Variants in PANK3 observed in about 807,000 individuals in gnomAD.
The protein encoded by PANK3 is hPanK3.
A neutral mutation model predicts 39.4 loss-of-function variants in PANK3; 20 were observed. The ratio of observed to expected loss-of-function variants is 0.51; its 90% CI spans 0.36 to 0.74. PANK3 has a LOEUF of 0.74. PANK3 is among the 30% of genes least tolerant of loss of function. The pLI, the probability that PANK3 is intolerant of heterozygous loss-of-function variation, is 0.00. For missense variants in PANK3, 265 were observed against 437.0 expected (o/e 0.61, Z 3.51); for synonymous variants, 140 against 157.3 (o/e 0.89, Z 0.82).
chr5:168,568,577 C>G, intron 2 of PANK3, 69 bp downstream of exon 2: 2 of 1,168,840 alleles, frequency 1.7e-6, no homozygotes, highest in East Asian at 2.4e-5. Flanking sequence ...AAGGAACATG[C>G]TAGATGGAAA....
intron 1 of PANK3, 121 bp downstream of exon 1, chr5:168,579,135 C>A: frequency 2.3e-6 from 2 of 860,086 alleles, no homozygotes; most frequent in Non-Finnish European, 3.3e-6. Context: ...CCTCCGCCCC[C>A]ATACCGGACG....
Position 168,549,721 on chromosome 5 carries a change from A to G in PANK3, c.*7850T>C, listed in dbSNP as rs1187295795. The G allele has an allele frequency of 2.6e-5, 4 of 152,182 alleles. No homozygotes were observed. Among genetic ancestry groups the G allele is most frequent in the Non-Finnish European group, 5.9e-5 (4 of 68,026 alleles). 9.4% of individuals were successfully genotyped at this position (152,182 alleles called of 1,614,324 possible). ...CATTCAGCACAAACTGCGGTACCTG[A>G]AATCCCAGTATCAGCTCATAGTACA... is the stretch of plus-strand genomic sequence containing the variant. On this transcript the variant is annotated 3_prime_UTR_variant, in exon 7 of 7. Transcript: ENST00000239231.
At chr5:168,576,646 C>T (rs755538037) in intron 1 of PANK3, among the ~76,000 whole-genome samples, 3 of 152,002 alleles carry the variant, frequency 2.0e-5, no homozygotes, top group Non-Finnish European at 2.9e-5. Context: ...TATTTTCTAA[C>T]ACTTAGGTAA....
rs1037313232 is a variant in PANK3 at position 168,553,532 on chromosome 5, G to T, written c.*4039C>A. ...GATGGCCACAGACAAGGGCCAGGGG[G>T]ACATGAGCAAAACCTCAGAGGGAGA... is the stretch of plus-strand genomic sequence containing the variant. On this transcript the variant is annotated 3_prime_UTR_variant, in exon 7 of 7. Coordinates refer to ENST00000239231, the MANE Select transcript of PANK3 (RefSeq NM_024594.4). 1 of 331,648 alleles carries T rather than the reference G, an allele frequency of 3.0e-6. No individual in the cohort carries two copies. Among genetic ancestry groups the T allele is most frequent in the Non-Finnish European group, 5.9e-6 (1 of 169,096 alleles). The allele number at this position is 331,648 out of a possible 1,614,324, so 20.5% of individuals were successfully genotyped here.
chr5:168,557,736 C>T, intron 6 of PANK3, 115 bp from the exon 7 acceptor site: 1 of 832,686 alleles, frequency 1.2e-6, no homozygotes, highest in Non-Finnish European at 1.8e-6. Context: ...TATTTGGAAA[C>T]CTACCAATTT....
chr5:168,558,064 T>C (rs1759379330), intron 6 of PANK3, among the ~76,000 whole-genome samples: 1 of 151,922 alleles, frequency 6.6e-6, no homozygotes, highest in African/African-American at 2.4e-5. Flanking sequence ...TGGCTGTGCC[T>C]GACACTCTCA....
At chr5:168,570,943 A>G (rs2113126269) in intron 1 of PANK3, among the ~76,000 whole-genome samples, 1 of 152,364 alleles carries the variant, frequency 6.6e-6, no homozygotes, top group South Asian at 2.1e-4. Flanking sequence ...AAAATGGTAT[A>G]GACCATTTAC....
rs1759230146 is a variant in PANK3, at chr5:168,548,699, G to A, written c.*8872C>T. On this transcript the variant is annotated 3_prime_UTR_variant, in exon 7 of 7. Coordinates refer to ENST00000239231, the MANE Select transcript of PANK3 (RefSeq NM_024594.4). ...AATAAGCATTAAGGAAAAGAATACG[G>A]GAATGTTTACAGAATGCGCCATGGC... 6.6e-6 allele frequency: 1 copy of A among 152,046 alleles called. No individual in the cohort carries two copies. The allele number at this position is 152,046 out of a possible 1,614,324, so 9.4% of individuals were successfully genotyped here. A position where few individuals can be genotyped will look rare whatever the true frequency, so the allele number is the denominator to read the frequency against.
chr5:168,558,253 G>A (rs1437806231), intron 6 of PANK3, among the ~76,000 whole-genome samples: 1 of 151,100 alleles, frequency 6.6e-6, no homozygotes. Context: ...TCCGCCCCCT[G>A]GGGTTCACAC....
intron 6 of PANK3, among the ~76,000 whole-genome samples, chr5:168,558,123 TG>T (rs1298843601): frequency 6.6e-6 from 1 of 151,872 alleles, no homozygotes; most frequent in Non-Finnish European, 1.5e-5. Flanking sequence ...TGATTTGTAT[TG>T]TGTGAGCAGT....
At chr5:168,560,918 A>G (rs748411363) in intron 5 of PANK3, 7 of 518,642 alleles carry the variant, frequency 1.3e-5, no homozygotes. Context: ...AGCCCTGTAC[A>G]ATGCTGCTTG....
chr5:168,579,139 C>A, intron 1 of PANK3, 117 bp downstream of exon 1: 1 of 946,884 alleles, frequency 1.1e-6, no homozygotes, highest in Non-Finnish European at 1.5e-6. Context: ...CGCCCCCATA[C>A]CGGACGAAGC....
chr5:168,560,683 G>A (rs990143634), intron 5 of PANK3, among the ~76,000 whole-genome samples: 2 of 152,124 alleles, frequency 1.3e-5, no homozygotes, highest in East Asian at 1.9e-4. Context: ...GGGTTCCTTC[G>A]AAAAGCGTAC....
intron 3 of PANK3, among the ~76,000 whole-genome samples, chr5:168,565,623 A>AT (rs1759511607): frequency 1.3e-5 from 2 of 152,072 alleles, no homozygotes; most frequent in African/African-American, 2.4e-5. Context: ...CTCATTCTAG[A>AT]TAAAAATTCA....
intron 4 of PANK3, among the ~76,000 whole-genome samples, chr5:168,563,259 T>G (rs1295355571): frequency 6.6e-6 from 1 of 151,934 alleles, no homozygotes; most frequent in Non-Finnish European, 1.5e-5. Flanking sequence ...AACAGAAAAG[T>G]AGAACATGAA....
chr5:168,574,609 C>T (rs1759702277), intron 1 of PANK3, among the ~76,000 whole-genome samples: 2 of 152,160 alleles, frequency 1.3e-5, no homozygotes, highest in Non-Finnish European at 2.9e-5. Flanking sequence ...CATCTGTAAT[C>T]CTAGCACTAT....
chr5:168,555,502 C>G lies in PANK3; in HGVS notation c.*2069G>C, dbSNP rs2113100834. The G allele has an allele frequency of 6.6e-6, 1 of 152,360 alleles. No homozygotes were observed. The highest frequency in any genetic ancestry group is 1.5e-5 in the Non-Finnish European group (1 of 68,048). The allele number at this position is 152,360 out of a possible 1,614,324, so 9.4% of individuals were successfully genotyped here. Reference sequence around the variant, plus strand: ...AGGTGACCTGCCCACCCTGGCCTCTCAAAGTGCTGGGATTAGAGGCGTGAG... The same window carrying G: ...AGGTGACCTGCCCACCCTGGCCTCTGAAAGTGCTGGGATTAGAGGCGTGAG... On this transcript the variant is annotated 3_prime_UTR_variant, in exon 7 of 7. Coordinates refer to ENST00000239231, the MANE Select transcript of PANK3 (RefSeq NM_024594.4).
rs949277504 is a variant in PANK3, at chr5:168,554,645, C to T, written c.*2926G>A. 3.3e-5 allele frequency: 5 copies of T among 152,200 alleles called. No homozygotes were observed. The highest frequency in any genetic ancestry group is 2.0e-4 in the Admixed American group (3 of 15,284). The allele number at this position is 152,200 out of a possible 1,614,324, so 9.4% of individuals were successfully genotyped here. The stretch of plus-strand genomic sequence containing the variant: ...ATGTCAGTCAGTAGCCATTTTAAAA[C>T]CCTACAATGACTTCATGTTCCTTGC... On this transcript the variant is annotated 3_prime_UTR_variant, in exon 7 of 7. Coordinates refer to ENST00000239231, the MANE Select transcript of PANK3 (RefSeq NM_024594.4).
At chr5:168,557,731 G>A in intron 6 of PANK3, 110 bp from the exon 7 acceptor site, 3 of 862,146 alleles carry the variant, frequency 3.5e-6, no homozygotes, top group South Asian at 2.2e-5. Context: ...AATAATATTT[G>A]GAAACCTACC....
Sources: gnomAD v4.1 joint callset for allele counts (sites outside exome capture counted in the v4.1 genomes callset) on GRCh38, gnomAD v4.1.1 for gene constraint, MANE v1.5 for transcripts, NCBI Gene and HGNC (gene_info 2026-07-23, HGNC 2026-07-21) for gene names.